DYNC2I2: variants seen among roughly 807,000 people sequenced by gnomAD.
The protein encoded by DYNC2I2 is dynein 2 intermediate chain 2.
A neutral mutation model predicts 52.0 loss-of-function variants in DYNC2I2; 39 were observed. That is an observed-to-expected ratio of 0.75 (90% CI 0.58 to 0.98). The LOEUF (loss-of-function observed/expected upper bound fraction) is 0.98, where lower values mean the gene tolerates loss of function less well. Ranked by LOEUF, DYNC2I2 falls within the 50% of genes least tolerant of loss-of-function variation. The probability of loss-of-function intolerance (pLI) is 0.00; values close to 1 mark genes in which losing one functional copy is unlikely to be tolerated. For synonymous variants in DYNC2I2, 359 were observed against 321.1 expected, an observed-to-expected ratio of 1.12 and a Z score of -1.26; for missense variants, 743 against 728.4, an observed-to-expected ratio of 1.02 and a Z score of -0.23.
At chr9:128,653,446 G>T (rs903606153) in intron 1 of DYNC2I2, among the ~76,000 whole-genome samples, 3 of 151,206 alleles carry the variant, frequency 2.0e-5, no homozygotes, top group Admixed American at 6.6e-5. Flanking sequence ...CGGACACGGT[G>T]GCTCACACCT....
In DYNC2I2 at chr9:128,634,288, T is replaced by TA. The variant is rs1474514593; in HGVS notation, c.1309dup (p.Tyr437LeufsTer23). 6.2e-7 allele frequency: 1 copy of TA among 1,613,670 alleles called. No individual in the cohort carries two copies. On this transcript the variant is annotated frameshift_variant, in exon 8 of 9. Transcript: ENST00000372715. LOFTEE classifies it high-confidence loss of function. ...TGGGGACCAGCGCACAGCAAACAGA[T>TA]ACTTGAGGGAGAGCTGCAGCGAAGT... is the stretch of plus-strand genomic sequence containing the variant.
intron 2 of DYNC2I2, 105 bp from the exon 3 acceptor site, chr9:128,637,132 T>G (rs1382545959): frequency 2.8e-6 from 2 of 704,602 alleles, no homozygotes; most frequent in African/African-American, 1.8e-5. Context: ...CTAGAGGCCC[T>G]CAAGTCCATC....
intron 1 of DYNC2I2, among the ~76,000 whole-genome samples, chr9:128,644,663 G>A (rs1813580072): frequency 2.0e-5 from 3 of 152,128 alleles, no homozygotes; most frequent in Admixed American, 1.3e-4. Flanking sequence ...GTGCGAAGCT[G>A]GGCCGCACCA....
At chr9:128,642,156 G>A (rs966761429) in intron 1 of DYNC2I2, among the ~76,000 whole-genome samples, 6 of 151,466 alleles carry the variant, frequency 4.0e-5, no homozygotes, top group South Asian at 2.1e-4. Flanking sequence ...GCATAGTGGC[G>A]AGCATCTGTA....
At chr9:128,680,870 TTCA>T in the DYNC2I2 span, among the ~76,000 whole-genome samples, 1 of 151,450 alleles carries the variant, frequency 6.6e-6, no homozygotes, top group Admixed American at 6.6e-5. Context: ...CAGACTGGGT[TTCA>T]TCATGTTGGC....
At chr9:128,684,189 G>C in the DYNC2I2 span, among the ~76,000 whole-genome samples, 2 of 152,100 alleles carry the variant, frequency 1.3e-5, no homozygotes, top group African/African-American at 4.8e-5. Flanking sequence ...GAGAACGGGA[G>C]TGCACGGGAG....
At chr9:128,655,335 T>TAAAGAAAAAAAA (rs1860796813) in intron 1 of DYNC2I2, among the ~76,000 whole-genome samples, 1 of 18,684 alleles carries the variant, frequency 5.4e-5, no homozygotes, top group African/African-American at 1.5e-4. Context: ...CCGTCTCTAC[T>TAAAGAAAAAAAA]AAAAAAAAAA....
At chr9:128,669,444 T>G in the DYNC2I2 span, among the ~76,000 whole-genome samples, 1 of 152,112 alleles carries the variant, frequency 6.6e-6, no homozygotes, top group Non-Finnish European at 1.5e-5. Context: ...ACACTTCTAG[T>G]CCCAGCACTT....
At chr9:128,663,481 T>C in the DYNC2I2 span, 1 of 151,780 alleles carries the variant, frequency 6.6e-6, no homozygotes, top group African/African-American at 2.4e-5. Flanking sequence ...GGGACATTTT[T>C]GAGAATAAGC....
upstream of DYNC2I2, among the ~76,000 whole-genome samples, chr9:128,660,105 A>T (rs370140869): frequency 1.1e-3 from 170 of 148,084 alleles, 3 homozygotes; most frequent in East Asian, 0.026. Context: ...TATTATTATT[A>T]TTTTTATTTT....
chr9:128,670,400 A>G, the DYNC2I2 span, among the ~76,000 whole-genome samples: 11 of 152,092 alleles, frequency 7.2e-5, no homozygotes, highest in Admixed American at 5.3e-4. Context: ...AGATTGTGCC[A>G]TATCACCCCA....
intron 8 of DYNC2I2, 100 bp from the exon 9 acceptor site, chr9:128,634,082 C>T: frequency 6.4e-7 from 1 of 1,555,452 alleles, no homozygotes; most frequent in Admixed American, 1.7e-5. Context: ...TGTGTGCAGC[C>T]ACAGTGGCTT....
the DYNC2I2 span, among the ~76,000 whole-genome samples, chr9:128,671,650 T>A: frequency 6.6e-6 from 1 of 150,808 alleles, no homozygotes; most frequent in Non-Finnish European, 1.5e-5. Flanking sequence ...TTTTTGTTAT[T>A]TTTTATTTAT....
the DYNC2I2 span, among the ~76,000 whole-genome samples, chr9:128,678,195 G>A: frequency 1.3e-5 from 2 of 150,532 alleles, no homozygotes; most frequent in African/African-American, 4.9e-5. Flanking sequence ...TCAGCCTCCC[G>A]AGTAGCTAGG....
At chr9:128,639,978 T>A (rs1860481050) in intron 2 of DYNC2I2, among the ~76,000 whole-genome samples, 2 of 146,740 alleles carry the variant, frequency 1.4e-5, no homozygotes, top group African/African-American at 5.1e-5. Context: ...ATACAGTTGT[T>A]TTGAGGAGTG....
intron 1 of DYNC2I2, among the ~76,000 whole-genome samples, chr9:128,647,285 T>A (rs770502626): frequency 9.9e-5 from 15 of 152,086 alleles, no homozygotes; most frequent in Non-Finnish European, 1.8e-4. Flanking sequence ...TGCCAGGCAG[T>A]GTGTGACTAG....
rs577550376 is a variant in DYNC2I2, at chr9:128,656,522, G to C, written c.186+19C>G. The C allele has an allele frequency of 7.7e-7, 1 of 1,294,314 alleles. No homozygotes were observed. The highest frequency in any genetic ancestry group is 2.4e-5 in the South Asian group (1 of 42,440). The allele number at this position is 1,294,314 out of a possible 1,614,324, so 80.2% of individuals were successfully genotyped here. On this transcript the variant is annotated intron_variant, in intron 1 of 8. Coordinates refer to ENST00000372715, the MANE Select transcript of DYNC2I2 (RefSeq NM_052844.4). ...CGCCTTCCCGCCCGCGTCGCTCCGCGCGGGGCCCGCGCCCTCACCGTCTCC... is the reference window on the plus strand; with the variant it reads ...CGCCTTCCCGCCCGCGTCGCTCCGCCCGGGGCCCGCGCCCTCACCGTCTCC...
At chr9:128,678,430 G>A in the DYNC2I2 span, among the ~76,000 whole-genome samples, 1 of 106,002 alleles carries the variant, frequency 9.4e-6, no homozygotes, top group East Asian at 2.8e-4. Context: ...CAATGTTCAT[G>A]TGTAGAGACC....
At position 128,656,676 on chromosome 9, in the gene DYNC2I2, ACCAGCGCTTC is replaced by A; in HGVS notation, c.41_50del (p.Gly14ValfsTer107). The stretch of plus-strand genomic sequence containing the variant: ...CCCCGACTGTCGCCAGCGCCGCAAC[ACCAGCGCTTC>A]CCGCCTGGCTGAGTGGCCCCGGCTG... On this transcript the variant is annotated frameshift_variant, in exon 1 of 9. Coordinates refer to ENST00000372715, the MANE Select transcript of DYNC2I2 (RefSeq NM_052844.4). LOFTEE classifies it high-confidence loss of function. The A allele has an allele frequency of 1.3e-6, 2 of 1,504,020 alleles. No homozygotes were observed. The highest frequency in any genetic ancestry group is 1.8e-6 in the Non-Finnish European group (2 of 1,136,446). The allele number at this position is 1,504,020 out of a possible 1,614,324, so 93.2% of individuals were successfully genotyped here. A position where few individuals can be genotyped will look rare whatever the true frequency, so the allele number is the denominator to read the frequency against.
Sources: gnomAD v4.1 joint callset for allele counts (sites outside exome capture counted in the v4.1 genomes callset) on GRCh38, gnomAD v4.1.1 for gene constraint, MANE v1.5 for transcripts, NCBI Gene and HGNC (gene_info 2026-07-23, HGNC 2026-07-21) for gene names.